NSDHL: variants seen among roughly 807,000 people sequenced by gnomAD.
NSDHL encodes sterol-4-alpha-carboxylate 3-dehydrogenase, decarboxylating.
NSDHL carries 1 observed loss-of-function variant against 23.0 expected under a neutral mutation model. The observed-to-expected ratio is 0.04, with a 90% CI of 0.02 to 0.21. The LOEUF (loss-of-function observed/expected upper bound fraction) is 0.21. Ranked by LOEUF, NSDHL falls within the 10% of genes least tolerant of loss-of-function variation. The pLI, the probability that NSDHL is intolerant of heterozygous loss-of-function variation, is 1.00. For synonymous variants in NSDHL, 128 were observed against 121.1 expected (o/e 1.06, Z -0.37); for missense variants, 237 against 300.9 (o/e 0.79, Z 1.57).
chrX:152,845,123 A>G (rs1933251268), intron 1 of NSDHL, among the ~76,000 whole-genome samples: 1 of 111,839 alleles, frequency 8.9e-6, no homozygotes, highest in African/African-American at 3.3e-5. Flanking sequence ...TGTTCCCCCA[A>G]ATGGCTCCTC....
At chrX:152,866,045 A>G in intron 6 of NSDHL, 84 bp downstream of exon 6, 1 of 1,031,081 alleles carries the variant, frequency 9.7e-7, no homozygotes, top group South Asian at 1.9e-5. Context: ...GCCACATGGC[A>G]TTGTAGCTCT....
chrX:152,859,021 T>G (rs1933486829), intron 4 of NSDHL, 105 bp downstream of exon 4: 1 of 668,075 alleles, frequency 1.5e-6, no homozygotes, highest in Admixed American at 2.8e-5. Flanking sequence ...GCGGGGTTGC[T>G]TCTTAAAGTG....
intron 1 of NSDHL, among the ~76,000 whole-genome samples, chrX:152,838,568 T>C (rs1207893766): frequency 3.6e-5 from 4 of 112,334 alleles, no homozygotes; most frequent in African/African-American, 1.3e-4. Context: ...CCAGTAGTCA[T>C]TCAGGAGCAG....
chrX:152,835,840 TG>T (rs1399905853), intron 1 of NSDHL, among the ~76,000 whole-genome samples: 5 of 111,995 alleles, frequency 4.5e-5, no homozygotes, highest in African/African-American at 1.6e-4. Context: ...CTGGGTCAAA[TG>T]GTATTTCTAG....
chrX:152,868,321 TA>T (rs1165939500), intron 7 of NSDHL, among the ~76,000 whole-genome samples: 1 of 110,537 alleles, frequency 9.0e-6, no homozygotes, highest in East Asian at 2.9e-4. Flanking sequence ...GTACTTTTAG[TA>T]GAGACGGGGT....
In NSDHL at chrX:152,846,269, C is replaced by CTACTA; in HGVS notation, c.-43-11_-43-10insCTATA. ...AGGCAACATTAATGTCTGTCTCTAACTATGTCTTTAAGAAAAGAAAAGTTG... is the reference window on the plus strand; with the variant it reads ...AGGCAACATTAATGTCTGTCTCTAACTACTATATGTCTTTAAGAAAAGAAAAGTTG... On this transcript the variant is annotated splice_polypyrimidine_tract_variant and intron_variant, in intron 1 of 7. Coordinates refer to ENST00000370274, the MANE Select transcript of NSDHL (RefSeq NM_015922.3). 1 of 904,498 alleles carries CTACTA rather than the reference C, an allele frequency of 1.1e-6. No individual in the cohort carries two copies. 74.5% of individuals were successfully genotyped at this position (904,498 alleles called of 1,213,427 possible).
At chrX:152,833,433 A>G (rs1933045527) in intron 1 of NSDHL, among the ~76,000 whole-genome samples, 1 of 108,282 alleles carries the variant, frequency 9.2e-6, no homozygotes, top group Non-Finnish European at 1.9e-5. Flanking sequence ...TCCAGTCGCA[A>G]CACTCACTCC....
intron 5 of NSDHL, among the ~76,000 whole-genome samples, chrX:152,863,890 C>T (rs1313117809): frequency 9.0e-6 from 1 of 111,272 alleles, no homozygotes. Context: ...AGCCAGCTGC[C>T]TCCTGGCTGT....
At chrX:152,864,212 C>G (rs1335467131) in intron 5 of NSDHL, among the ~76,000 whole-genome samples, 3 of 112,605 alleles carry the variant, frequency 2.7e-5, no homozygotes, top group African/African-American at 9.7e-5. Context: ...CCCAGCCTGT[C>G]TGCTGTTGCT....
rs150204893 is a variant in NSDHL, at chrX:152,858,839, A to C, written c.337A>C (p.Asn113His). 24 of 1,200,688 alleles carry C rather than the reference A, an allele frequency of 2.0e-5. No homozygotes were observed. The African/African-American group carries it at 3.9e-4, about 19-fold the overall frequency. The change falls in exon 4 of 8, where the codon AAC becomes CAC. Residue 113 changes from asparagine to histidine, a missense_variant. Asn to His is a moderately conservative substitution (Grantham distance 68, BLOSUM62 1). Transcript: ENST00000370274. ...TGCGTCACCCCCACCATCCAGTAAC[A>C]ACAAGGAGCTCTTTTATAGAGTGAA... ...HCASPPPSSN[N>H]KELFYRVNYI...
intron 3 of NSDHL, among the ~76,000 whole-genome samples, chrX:152,855,281 C>T (rs1029247188): frequency 7.3e-4 from 81 of 111,428 alleles, no homozygotes; most frequent in African/African-American, 2.4e-3. Context: ...AGGCATGAGC[C>T]ACCGTTGCCA....
At chrX:152,834,154 C>G (rs1325291199) in intron 1 of NSDHL, among the ~76,000 whole-genome samples, 3 of 111,960 alleles carry the variant, frequency 2.7e-5, no homozygotes, top group African/African-American at 9.8e-5. Context: ...AGAGCAGAAA[C>G]AGGTGCTGTG....
chrX:152,858,719 A>G, intron 3 of NSDHL, 51 bp from the exon 4 acceptor site: 1 of 1,160,415 alleles, frequency 8.6e-7, no homozygotes, highest in East Asian at 3.0e-5. Flanking sequence ...TGAGAATGCC[A>G]TTGACCTGTC....
At chrX:152,831,345 A>T (rs782221882) in intron 1 of NSDHL, among the ~76,000 whole-genome samples, 27 of 111,235 alleles carry the variant, frequency 2.4e-4, no homozygotes, top group African/African-American at 8.8e-4. Flanking sequence ...GGGTGTGCTG[A>T]GTGTTGTCGC....
rs1933679272 is a variant in NSDHL at position 152,869,728 on chromosome X, T to C, written c.*612T>C. The C allele has an allele frequency of 8.1e-6, 1 of 122,927 alleles. No homozygotes were observed. Among genetic ancestry groups the C allele is most frequent in the African/African-American group, 3.2e-5 (1 of 31,330 alleles). The allele number at this position is 122,927 out of a possible 1,213,427, so 10.1% of individuals were successfully genotyped here. A position where few individuals can be genotyped will look rare whatever the true frequency, so the allele number is the denominator to read the frequency against. ...TACATGTTCCACATTCTCTTTCAGG[T>C]ACGTTGCCGTGCCTGCCTGCATTGT... is the stretch of plus-strand genomic sequence containing the variant. On this transcript the variant is annotated 3_prime_UTR_variant, in exon 8 of 8. Coordinates refer to ENST00000370274, the MANE Select transcript of NSDHL (RefSeq NM_015922.3).
chrX:152,831,824 G>GT (rs1474813521), intron 1 of NSDHL: 1 of 111,349 alleles, frequency 9.0e-6, no homozygotes, highest in Non-Finnish European at 1.9e-5. Flanking sequence ...GCCTTCACCT[G>GT]TTTTTCCTCC....
intron 1 of NSDHL, chrX:152,831,586 G>C (rs1445637501): frequency 8.7e-6 from 1 of 114,712 alleles, no homozygotes; most frequent in African/African-American, 3.3e-5. Flanking sequence ...CATGAGGGGC[G>C]GGGAGAGGTC....
chrX:152,849,399 A>G (rs782820057), intron 2 of NSDHL, among the ~76,000 whole-genome samples: 2 of 111,892 alleles, frequency 1.8e-5, no homozygotes, highest in Non-Finnish European at 3.8e-5. Context: ...CTCCTCACAG[A>G]CACCCATAGC....
At chrX:152,848,154 G>A (rs1232841017) in intron 2 of NSDHL, among the ~76,000 whole-genome samples, 2 of 111,469 alleles carry the variant, frequency 1.8e-5, no homozygotes, top group African/African-American at 6.5e-5. Flanking sequence ...ATGAGCCACC[G>A]TGCCTGGCCC....
Sources: gnomAD v4.1 joint callset for allele counts (sites outside exome capture counted in the v4.1 genomes callset) on GRCh38, gnomAD v4.1.1 for gene constraint, MANE v1.5 for transcripts, NCBI Gene and HGNC (gene_info 2026-07-23, HGNC 2026-07-21) for gene names.